CEP57: variants seen among roughly 807,000 people sequenced by gnomAD.
The protein encoded by CEP57 is centrosomal protein of 57 kDa.
In CEP57, 40 loss-of-function variants were observed where a neutral mutation model predicts 68.0. The observed-to-expected ratio is 0.59, with a 90% CI of 0.46 to 0.77. The LOEUF is 0.77. Among genes scored for constraint, CEP57 ranks in the 30% least tolerant of loss-of-function variants. The probability of loss-of-function intolerance (pLI) is 0.00; values close to 1 mark genes in which losing one functional copy is unlikely to be tolerated. For synonymous variants in CEP57, 219 were observed against 198.7 expected, an observed-to-expected ratio of 1.10 and a Z score of -0.86; for missense variants, 606 against 580.7, an observed-to-expected ratio of 1.04 and a Z score of -0.45.
At chr11:95,815,941 GA>G (rs1461646290) in intron 4 of CEP57, among the ~76,000 whole-genome samples, 1 of 152,076 alleles carries the variant, frequency 6.6e-6, no homozygotes. Context: ...TGTGATATTT[GA>G]CTTCAGTATC....
At chr11:95,812,869 T>A (rs555939478) in intron 2 of CEP57, 63 bp from the exon 3 acceptor site, 24 of 1,434,214 alleles carry the variant, frequency 1.7e-5, no homozygotes, top group Non-Finnish European at 2.2e-5. Flanking sequence ...AGTTTATTCT[T>A]TCTTAATATA....
intron 1 of CEP57, among the ~76,000 whole-genome samples, chr11:95,796,418 C>T (rs1268518749): frequency 6.6e-6 from 1 of 152,126 alleles, no homozygotes; most frequent in Non-Finnish European, 1.5e-5. Context: ...AATTGGGCTC[C>T]TTTCTACGCA....
chr11:95,801,643 A>G (rs376686865), intron 2 of CEP57, among the ~76,000 whole-genome samples: 6 of 152,284 alleles, frequency 3.9e-5, no homozygotes, highest in African/African-American at 1.4e-4. Context: ...CACCCATGAA[A>G]GGAAACTTTT....
intron 4 of CEP57, among the ~76,000 whole-genome samples, 175 bp from the exon 5 acceptor site, chr11:95,817,612 A>G (rs1213187197): frequency 6.6e-6 from 1 of 152,208 alleles, no homozygotes; most frequent in East Asian, 1.9e-4. Flanking sequence ...CTGAGCTAAG[A>G]ACAGTATCCA....
At chr11:95,810,101 A>C (rs988734551) in intron 2 of CEP57, among the ~76,000 whole-genome samples, 1 of 152,208 alleles carries the variant, frequency 6.6e-6, no homozygotes, top group Non-Finnish European at 1.5e-5. Flanking sequence ...GACAGAAACC[A>C]CATGATTATC....
chr11:95,831,447 AC>A lies in CEP57; in HGVS notation c.*193del. The A allele has an allele frequency of 1.9e-6, 1 of 513,874 alleles. No individual in the cohort carries two copies. The highest frequency in any genetic ancestry group is 2.7e-5 in the South Asian group (1 of 37,548). The allele number at this position is 513,874 out of a possible 1,614,324, so 31.8% of individuals were successfully genotyped here. On this transcript the variant is annotated 3_prime_UTR_variant, in exon 11 of 11. Transcript: ENST00000325542. Reference sequence around the variant, plus strand: ...TCAATGTTAAAGCATTTAAATGGAAACCAGGGGAGTTTTAAAGCCCGAGAAA... The same window carrying A: ...TCAATGTTAAAGCATTTAAATGGAAACAGGGGAGTTTTAAAGCCCGAGAAA...
intron 10 of CEP57, among the ~76,000 whole-genome samples, chr11:95,829,834 T>TG (rs1862925663): frequency 6.6e-6 from 1 of 151,918 alleles, no homozygotes; most frequent in African/African-American, 2.4e-5. Flanking sequence ...AGGGGTAGGG[T>TG]AATGGGATCA....
At chr11:95,811,045 G>C (rs925004341) in intron 2 of CEP57, among the ~76,000 whole-genome samples, 1 of 152,154 alleles carries the variant, frequency 6.6e-6, no homozygotes, top group Non-Finnish European at 1.5e-5. Context: ...CAAGTATCTA[G>C]AACTAGAAAT....
chr11:95,797,954 A>C (rs553297879), intron 1 of CEP57, among the ~76,000 whole-genome samples: 20 of 152,226 alleles, frequency 1.3e-4, no homozygotes, highest in Non-Finnish European at 2.5e-4. Context: ...TAAGCTATGC[A>C]GTAATTGAGG....
chr11:95,827,919 G>A lies in CEP57; in HGVS notation c.1019G>A (p.Gly340Asp), dbSNP rs1357714834. Residue 340 changes from glycine to aspartate, a missense_variant, in exon 9 of 11, where the codon GGT becomes GAT. Gly to Asp is a moderately conservative substitution (Grantham distance 94). Transcript: ENST00000325542. ...TTGGCAAAGCAAGTATCTTCACGAG[G>A]TGGTAAAAGTAAGAAGTTGTCAGTA... ...IPLAKQVSSR[G>D]GKSKKLSVTP... is the part of the protein sequence containing the mutation. 6.2e-7 allele frequency: 1 copy of A among 1,614,102 alleles called. No individual in the cohort carries two copies. The highest frequency in any genetic ancestry group is 8.5e-7 in the Non-Finnish European group (1 of 1,180,016).
intron 1 of CEP57, among the ~76,000 whole-genome samples, chr11:95,792,384 A>C (rs558638832): frequency 1.3e-5 from 2 of 152,214 alleles, no homozygotes; most frequent in Admixed American, 1.3e-4. Context: ...AATACCAGCT[A>C]CTAGTGAGGC....
At chr11:95,807,372 C>G (rs1472402520) in intron 2 of CEP57, among the ~76,000 whole-genome samples, 1 of 152,090 alleles carries the variant, frequency 6.6e-6, no homozygotes, top group Non-Finnish European at 1.5e-5. Flanking sequence ...ATGACTTTGA[C>G]GAGTTGAGAG....
intron 2 of CEP57, among the ~76,000 whole-genome samples, chr11:95,800,115 C>T (rs1446749515): frequency 6.6e-6 from 1 of 152,136 alleles, no homozygotes; most frequent in East Asian, 1.9e-4. Flanking sequence ...TCTGTGTAGG[C>T]TTATCTGGGT....
At chr11:95,810,207 A>G (rs918567823) in intron 2 of CEP57, among the ~76,000 whole-genome samples, 3 of 152,250 alleles carry the variant, frequency 2.0e-5, no homozygotes, top group Non-Finnish European at 2.9e-5. Context: ...ATCTCAAAAC[A>G]ATATGAGTGA....
intron 8 of CEP57, chr11:95,823,341 G>A (rs773309475): frequency 1.3e-5 from 2 of 152,086 alleles, no homozygotes; most frequent in Non-Finnish European, 2.9e-5. Context: ...ACATGAGTCC[G>A]AACTCTGTGT....
intron 9 of CEP57, 120 bp from the exon 10 acceptor site, chr11:95,829,067 C>G (rs879207543): frequency 1.3e-5 from 13 of 1,011,286 alleles, no homozygotes; most frequent in South Asian, 1.2e-4. Context: ...ATTTATTGCT[C>G]TGTTCAAAAA....
chr11:95,790,318 G>A (rs890317965), upstream of CEP57: 38 of 345,094 alleles, frequency 1.1e-4, 2 homozygotes, highest in Admixed American at 1.3e-3. Flanking sequence ...ACTGGAGGAG[G>A]CCCGACCCTC....
intron 2 of CEP57, among the ~76,000 whole-genome samples, chr11:95,812,087 A>G (rs1239543197): frequency 6.6e-6 from 1 of 152,212 alleles, no homozygotes; most frequent in Non-Finnish European, 1.5e-5. Flanking sequence ...TGCAGTCAAC[A>G]TAATTTTATA....
chr11:95,790,594 G>A lies in CEP57; in HGVS notation c.-105G>A, dbSNP rs576117270. The A allele has an allele frequency of 7.2e-7, 1 of 1,398,222 alleles. No homozygotes were observed. Among genetic ancestry groups the A allele is most frequent in the Admixed American group, 2.0e-5 (1 of 51,086 alleles). The allele number at this position is 1,398,222 out of a possible 1,614,324, so 86.6% of individuals were successfully genotyped here. ...GCACCCTTGCCCTTTTCCATCAGGGGTTCAGCCTAGGGTCCCCGCTGGTGG... is the reference window on the plus strand; with the variant it reads ...GCACCCTTGCCCTTTTCCATCAGGGATTCAGCCTAGGGTCCCCGCTGGTGG... On this transcript the variant is annotated 5_prime_UTR_variant, in exon 1 of 11. Transcript: ENST00000325542.
Sources: gnomAD v4.1 joint callset for allele counts (sites outside exome capture counted in the v4.1 genomes callset) on GRCh38, gnomAD v4.1.1 for gene constraint, MANE v1.5 for transcripts, NCBI Gene and HGNC (gene_info 2026-07-23, HGNC 2026-07-21) for gene names.